Variants in PPP4R4 observed in about 807,000 individuals in gnomAD.
PPP4R4 encodes serine/threonine-protein phosphatase 4 regulatory subunit 4.
In PPP4R4, 70 loss-of-function variants were observed where a neutral mutation model predicts 121.8. The ratio of observed to expected loss-of-function variants is 0.57; its 90% CI spans 0.47 to 0.70. The LOEUF is 0.70. Among genes scored for constraint, PPP4R4 ranks in the 30% least tolerant of loss-of-function variants. The pLI, the probability that PPP4R4 is intolerant of heterozygous loss-of-function variation, is 0.00. For missense variants in PPP4R4, 875 were observed against 1,033.6 expected, an observed-to-expected ratio of 0.85 and a Z score of 2.10; for synonymous variants, 348 against 355.7, an observed-to-expected ratio of 0.98 and a Z score of 0.24.
chr14:94,206,282 C>T (rs1843330557), intron 2 of PPP4R4, among the ~76,000 whole-genome samples: 1 of 151,878 alleles, frequency 6.6e-6, no homozygotes, highest in African/African-American at 2.4e-5. Context: ...TATAGCCACT[C>T]CTGCTTTCTT....
rs10135001 is a variant in PPP4R4 at position 94,191,288 on chromosome 14, C to T, written c.191+15161C>T. Among the ~76,000 whole-genome samples, 316 of 151,886 alleles carry T rather than the reference C, an allele frequency of 2.1e-3. 1 individual carries two copies. The highest frequency in any genetic ancestry group is 7.1e-3 in the African/African-American group (294 of 41,440). On this transcript the variant is annotated intron_variant, in intron 2 of 24. Transcript: ENST00000304338. ...GGAATCAGAGGGCTGTTTGTACCCT[C>T]GTTGGTATAAAGAGGGAGGGGAAAA... is the stretch of plus-strand genomic sequence containing the variant.
intron 2 of PPP4R4, among the ~76,000 whole-genome samples, chr14:94,191,079 A>C (rs1210259505): frequency 6.6e-6 from 1 of 152,220 alleles, no homozygotes; most frequent in Non-Finnish European, 1.5e-5. Flanking sequence ...ATATGGAACA[A>C]ATCCAAGATA....
Position 94,235,663 on chromosome 14 carries a change from T to G in PPP4R4, c.731+994T>G, listed in dbSNP as rs571745069. Among the ~76,000 whole-genome samples, 3 of 152,056 alleles carry G rather than the reference T, an allele frequency of 2.0e-5. No individual in the cohort carries two copies. In the East Asian group the frequency reaches 5.8e-4, roughly 30 times the overall value. The stretch of plus-strand genomic sequence containing the variant: ...ATCCGCCTGCCTCGGCCTCCCAAAG[T>G]GCTGGGATTACAGGTGTGAGCCACC... On this transcript the variant is annotated intron_variant, in intron 7 of 24. Transcript: ENST00000304338.
At chr14:94,214,696 T>C (rs566703400) in intron 3 of PPP4R4, among the ~76,000 whole-genome samples, 1 of 152,288 alleles carries the variant, frequency 6.6e-6, no homozygotes, top group African/African-American at 2.4e-5. Flanking sequence ...TTAACTTTAC[T>C]TTTTTAAAAG....
intron 19 of PPP4R4, among the ~76,000 whole-genome samples, chr14:94,261,242 T>C (rs2139631470): frequency 6.6e-6 from 1 of 152,286 alleles, no homozygotes; most frequent in Admixed American, 6.5e-5. Flanking sequence ...TTGTTCCCTC[T>C]TAAAATTGCT....
rs149951505 is a variant in PPP4R4 at position 94,258,492 on chromosome 14, G to A, written c.2011-291G>A. On this transcript the variant is annotated intron_variant, in intron 17 of 24. Coordinates refer to ENST00000304338, the MANE Select transcript of PPP4R4 (RefSeq NM_058237.2). ...AATTCAGAAAAGATTGGCACTGGGAGTTACTAGAAATTAGTTAGATTATAT... is the reference window on the plus strand; with the variant it reads ...AATTCAGAAAAGATTGGCACTGGGAATTACTAGAAATTAGTTAGATTATAT... 6.4e-3 allele frequency among the ~76,000 whole-genome samples: 974 copies of A among 152,310 alleles called. 10 individuals carry two copies. Among genetic ancestry groups the A allele is most frequent in the African/African-American group, 0.021 (868 of 41,564 alleles).
At chr14:94,230,829 A>G (rs1236723695) in intron 4 of PPP4R4, 95 bp downstream of exon 4, 1 of 1,366,166 alleles carries the variant, frequency 7.3e-7, no homozygotes, top group East Asian at 2.4e-5. Context: ...GATGAGGATA[A>G]CTGAGTAAGG....
chr14:94,233,733 A>G lies in PPP4R4; in HGVS notation c.597A>G (p.Lys199=). The G allele has an allele frequency of 6.3e-7, 1 of 1,591,484 alleles. No individual in the cohort carries two copies. Among genetic ancestry groups the G allele is most frequent in the Non-Finnish European group, 8.6e-7 (1 of 1,161,230 alleles). Residue 199 remains lysine (K), a synonymous_variant, in exon 6 of 25, where the codon AAA becomes AAG. Transcript: ENST00000304338. ...SRLVSCKILG[K]LTNKFDAHTI... ...TAGTTAGTTGTAAAATTTTAGGAAA[A>G]TTGACCAACAAATTTGATGCCCACA...
chr14:94,262,848 ATTTTTAC>A (rs914611198), intron 19 of PPP4R4, among the ~76,000 whole-genome samples: 1 of 151,846 alleles, frequency 6.6e-6, no homozygotes, highest in Non-Finnish European at 1.5e-5. Context: ...AAAATGTCTT[ATTTTTAC>A]CTTCATTCCT....
Position 94,220,510 on chromosome 14 carries a change from A to T in PPP4R4, c.295-10077A>T, listed in dbSNP as rs1891327626. ...TATCATATGTAGGAACCTGCAAAAG[A>T]AAAATGCTGGAACTTCCAAGCGAGT... On this transcript the variant is annotated intron_variant, in intron 3 of 24. Coordinates refer to ENST00000304338, the MANE Select transcript of PPP4R4 (RefSeq NM_058237.2). Among the ~76,000 whole-genome samples the T allele has an allele frequency of 1.3e-5, 2 of 152,172 alleles. 1 individual carries two copies. The highest frequency in any genetic ancestry group is 1.3e-4 in the Admixed American group (2 of 15,280).
chr14:94,218,682 CT>C (rs1328127909), intron 3 of PPP4R4, among the ~76,000 whole-genome samples: 3 of 122,590 alleles, frequency 2.4e-5, no homozygotes, highest in Admixed American at 2.4e-4. Flanking sequence ...ACACTCACCC[CT>C]AGACACTGCA....
At position 94,265,367 on chromosome 14, in the gene PPP4R4, T is replaced by C; in HGVS notation, c.2198-20T>C. The C allele has an allele frequency of 6.4e-7, 1 of 1,560,930 alleles. No individual in the cohort carries two copies. The highest frequency in any genetic ancestry group is 8.8e-7 in the Non-Finnish European group (1 of 1,132,276). On this transcript the variant is annotated intron_variant, in intron 20 of 24. Coordinates refer to ENST00000304338, the MANE Select transcript of PPP4R4 (RefSeq NM_058237.2). ...AGGACTTAGAGGAAATTATACAACT[T>C]AAAGCAGAATTTATTTTAGGTAGAG...
intron 11 of PPP4R4, 76 bp from the exon 12 acceptor site, chr14:94,244,559 A>G (rs1198195167): frequency 1.7e-6 from 2 of 1,152,198 alleles, no homozygotes; most frequent in Admixed American, 6.2e-5. Context: ...ACAAGGATGT[A>G]TTTTTAAAAA....
chr14:94,229,713 C>G (rs558793061), intron 3 of PPP4R4, among the ~76,000 whole-genome samples: 1 of 152,116 alleles, frequency 6.6e-6, no homozygotes, highest in South Asian at 2.1e-4. Context: ...TATTTTATGA[C>G]TAAGTTCCAG....
intron 2 of PPP4R4, among the ~76,000 whole-genome samples, chr14:94,199,905 G>A (rs1160039441): frequency 6.6e-6 from 1 of 152,094 alleles, no homozygotes; most frequent in Non-Finnish European, 1.5e-5. Context: ...GGGTCTTGGG[G>A]TTTTTATAGG....
intron 2 of PPP4R4, among the ~76,000 whole-genome samples, chr14:94,188,977 C>T (rs1490037114): frequency 1.3e-5 from 2 of 152,002 alleles, no homozygotes; most frequent in Non-Finnish European, 2.9e-5. Flanking sequence ...TTTAGAATAA[C>T]TAGAGGACTG....
intron 2 of PPP4R4, among the ~76,000 whole-genome samples, chr14:94,190,008 C>G (rs886889659): frequency 6.6e-6 from 1 of 151,804 alleles, no homozygotes; most frequent in Non-Finnish European, 1.5e-5. Context: ...ACTTGTCACC[C>G]CTTCTTCCTG....
At chr14:94,206,189 T>C (rs776773394) in intron 2 of PPP4R4, among the ~76,000 whole-genome samples, 1 of 151,986 alleles carries the variant, frequency 6.6e-6, no homozygotes, top group African/African-American at 2.4e-5. Context: ...TCTTGGTGGA[T>C]TCATCTCTTT....
In PPP4R4 at chr14:94,182,615, T is replaced by C. The variant is rs183981954; in HGVS notation, c.191+6488T>C. 5.9e-5 allele frequency among the ~76,000 whole-genome samples: 9 copies of C among 152,366 alleles called. No individual in the cohort carries two copies. In the East Asian group the frequency reaches 1.7e-3, roughly 29 times the overall value. ...GCATGGAGCAACAGATTGTTCATTC[T>C]CATTGCTGTATACTATTCCATTATG... On this transcript the variant is annotated intron_variant, in intron 2 of 24. Coordinates refer to ENST00000304338, the MANE Select transcript of PPP4R4 (RefSeq NM_058237.2).
Sources: allele counts gnomAD v4.1 joint callset (sites outside exome capture counted in the v4.1 genomes callset), GRCh38; gene constraint gnomAD v4.1.1; transcripts MANE v1.5; gene names NCBI Gene and HGNC (gene_info 2026-07-23, HGNC 2026-07-21).